Variants in EHD4 observed in about 807,000 individuals in gnomAD.
EHD4 encodes the protein EH domain-containing protein 4.
Under a neutral mutation model 51.0 loss-of-function variants are expected in EHD4, and 37 were observed. That is an observed-to-expected ratio of 0.73 (90% confidence interval 0.56 to 0.95). EHD4 has a LOEUF of 0.95. Among genes scored for constraint, EHD4 ranks in the 40% least tolerant of loss-of-function variants. EHD4 has a pLI of 0.00. For missense variants in EHD4, 632 were observed against 733.1 expected, an observed-to-expected ratio of 0.86 and a Z score of 1.59; for synonymous variants, 297 against 317.3, an observed-to-expected ratio of 0.94 and a Z score of 0.68.
intron 3 of EHD4, among the ~76,000 whole-genome samples, chr15:41,940,712 G>A (rs546748079): frequency 1.3e-5 from 2 of 152,202 alleles, no homozygotes; most frequent in Non-Finnish European, 2.9e-5. Flanking sequence ...ACCAGGATAT[G>A]AGTCAGATCA....
intron 3 of EHD4, among the ~76,000 whole-genome samples, chr15:41,924,386 C>T (rs1224781178): frequency 6.6e-6 from 1 of 152,206 alleles, no homozygotes; most frequent in African/African-American, 2.4e-5. Context: ...CTTCACCTCT[C>T]TGTGCCTCGT....
chr15:41,910,601 G>A (rs1437697899), intron 4 of EHD4, among the ~76,000 whole-genome samples: 1 of 152,106 alleles, frequency 6.6e-6, no homozygotes, highest in Non-Finnish European at 1.5e-5. Context: ...ATGGAATCTC[G>A]CTCTGTTGCC....
intron 1 of EHD4, among the ~76,000 whole-genome samples, chr15:41,960,170 T>C (rs777645592): frequency 6.6e-6 from 1 of 152,306 alleles, no homozygotes; most frequent in African/African-American, 2.4e-5. Flanking sequence ...GAAGCCGTAC[T>C]GTACAGTTTA....
At position 41,919,338 on chromosome 15, in the gene EHD4, G is replaced by T; in HGVS notation, c.796C>A (p.Gln266Lys). 1 of 1,614,230 alleles carries T rather than the reference G, an allele frequency of 6.2e-7. No homozygotes were observed. The highest frequency in any genetic ancestry group is 8.5e-7 in the Non-Finnish European group (1 of 1,180,036). The change falls in exon 4 of 6, where the codon CAG becomes AAG. Residue 266 changes from glutamine (Q) to lysine (K), a missense_variant. Physicochemically the swap from Gln to Lys is moderately conservative, Grantham distance 53. Coordinates refer to ENST00000220325, the MANE Select transcript of EHD4 (RefSeq NM_139265.4). The part of the protein sequence containing the change: ...YIGSFWAQPL[Q>K]NTDNRRLFEA... ...AAGAGCCGGCGGTTGTCCGTGTTCT[G>T]CAGGGGCTGCGCCCAGAAGGAGCCA...
At chr15:41,969,298 G>A (rs2067981302) in intron 1 of EHD4, among the ~76,000 whole-genome samples, 1 of 152,224 alleles carries the variant, frequency 6.6e-6, no homozygotes, top group Non-Finnish European at 1.5e-5. Flanking sequence ...TGTAATCCCA[G>A]CACTTTGGGA....
rs932157976 is a variant in EHD4 at position 41,954,038 on chromosome 15, A to G, written c.237-98T>C. ...TACCAATTTTTTTACATAATCATTT[A>G]AAAACGTAGAAACATAACCCCCAAG... On this transcript the variant is annotated intron_variant, in intron 1 of 5. Transcript: ENST00000220325. 2.3e-6 allele frequency: 3 copies of G among 1,311,850 alleles called. No homozygotes were observed. In the African/African-American group the frequency reaches 4.5e-5, roughly 20 times the overall value. 81.3% of individuals were successfully genotyped at this position (1,311,850 alleles called of 1,614,324 possible). A position where few individuals can be genotyped will look rare whatever the true frequency, so the allele number is the denominator to read the frequency against.
At chr15:41,969,794 AT>A (rs2067984716) in intron 1 of EHD4, among the ~76,000 whole-genome samples, 1 of 152,072 alleles carries the variant, frequency 6.6e-6, no homozygotes, top group Non-Finnish European at 1.5e-5. Context: ...CCAATTCTTT[AT>A]TGCCAGTCAA....
chr15:41,961,404 ATGT>A (rs1040514656), intron 1 of EHD4, among the ~76,000 whole-genome samples: 78 of 152,324 alleles, frequency 5.1e-4, no homozygotes, highest in African/African-American at 1.7e-3. Context: ...AGTGTTTTTG[ATGT>A]TGTAACTTGT....
intron 1 of EHD4, among the ~76,000 whole-genome samples, chr15:41,958,527 A>C (rs1050812560): frequency 2.0e-5 from 3 of 150,144 alleles, no homozygotes; most frequent in Non-Finnish European, 4.4e-5. Context: ...TTAGGCTAGA[A>C]TTTTTTTTTT....
Position 41,897,788 on chromosome 15 carries a change from A to G in EHD4, c.*2857T>C, listed in dbSNP as rs1175988540. On this transcript the variant is annotated 3_prime_UTR_variant, in exon 6 of 6. Coordinates refer to ENST00000220325, the MANE Select transcript of EHD4 (RefSeq NM_139265.4). ...TGTTATGCGATACCATATGCTGTGT[A>G]GAAAACAGGGCCTCAGCTTCTTAGA... 6.6e-6 allele frequency: 1 copy of G among 152,270 alleles called. No individual in the cohort carries two copies. 9.4% of individuals were successfully genotyped at this position (152,270 alleles called of 1,614,324 possible). A position where few individuals can be genotyped will look rare whatever the true frequency, so the allele number is the denominator to read the frequency against.
At chr15:41,907,187 T>C (rs574448612) in intron 5 of EHD4, among the ~76,000 whole-genome samples, 1 of 152,366 alleles carries the variant, frequency 6.6e-6, no homozygotes, top group East Asian at 1.9e-4. Flanking sequence ...GGCAAGGCAC[T>C]GTAGCAACTT....
chr15:41,937,146 G>A (rs901625294), intron 3 of EHD4, among the ~76,000 whole-genome samples: 2 of 152,176 alleles, frequency 1.3e-5, no homozygotes, highest in Non-Finnish European at 2.9e-5. Flanking sequence ...TCTCCACCAC[G>A]TCCTCCCATA....
chr15:41,901,589 G>C (rs935257311), intron 5 of EHD4, among the ~76,000 whole-genome samples: 5 of 152,248 alleles, frequency 3.3e-5, no homozygotes, highest in African/African-American at 9.6e-5. Flanking sequence ...ACAGAGAGCT[G>C]TGAGGGGCTG....
At chr15:41,937,673 G>C (rs902776119) in intron 3 of EHD4, among the ~76,000 whole-genome samples, 2 of 152,202 alleles carry the variant, frequency 1.3e-5, no homozygotes, top group Admixed American at 6.5e-5. Context: ...ACATCTCTAA[G>C]TGTTCTCTCT....
chr15:41,929,010 C>G (rs1003925239), intron 3 of EHD4: 7 of 152,232 alleles, frequency 4.6e-5, no homozygotes, highest in Admixed American at 4.6e-4. Flanking sequence ...GAGTTCACCT[C>G]GAACCTTTCA....
rs564868762 is a variant in EHD4 at position 41,911,962 on chromosome 15, T to C, written c.925-2099A>G. On this transcript the variant is annotated intron_variant, in intron 4 of 5. Coordinates refer to ENST00000220325, the MANE Select transcript of EHD4 (RefSeq NM_139265.4). The stretch of plus-strand genomic sequence containing the variant: ...GCCCACCCCCCGAGGTTGGGCACAC[T>C]GTTCCTGAACACTCCCTGGTGCCCA... Among the ~76,000 whole-genome samples, 3 of 152,270 alleles carry C rather than the reference T, an allele frequency of 2.0e-5. No homozygotes were observed. In the South Asian group the frequency reaches 6.2e-4, roughly 32 times the overall value.
At chr15:41,922,265 T>C (rs7173832) in intron 3 of EHD4, among the ~76,000 whole-genome samples, 3,391 of 152,186 alleles carry the variant, frequency 0.022, 142 homozygotes, top group African/African-American at 0.078. Flanking sequence ...GGCGTATGCA[T>C]GTGGGCTCAG....
At chr15:41,907,290 C>T (rs1405803970) in intron 5 of EHD4, among the ~76,000 whole-genome samples, 2 of 152,204 alleles carry the variant, frequency 1.3e-5, no homozygotes, top group Non-Finnish European at 2.9e-5. Context: ...AAACCAAGTT[C>T]CCTTCTGAAA....
At position 41,898,426 on chromosome 15, in the gene EHD4, G is replaced by T. The variant is rs530946348; in HGVS notation, c.*2219C>A. 1 of 152,348 alleles carries T rather than the reference G, an allele frequency of 6.6e-6. No individual in the cohort carries two copies. Among genetic ancestry groups the T allele is most frequent in the African/African-American group, 2.4e-5 (1 of 41,572 alleles). The allele number at this position is 152,348 out of a possible 1,614,324, so 9.4% of individuals were successfully genotyped here. ...TATATGACAATTGAGGAGAGTTAAAGAACAAGATAATTCTGGATGGAAAAA... is the reference window on the plus strand; with the variant it reads ...TATATGACAATTGAGGAGAGTTAAATAACAAGATAATTCTGGATGGAAAAA... On this transcript the variant is annotated 3_prime_UTR_variant, in exon 6 of 6. Transcript: ENST00000220325.
Sources: allele counts gnomAD v4.1 joint callset (sites outside exome capture counted in the v4.1 genomes callset), GRCh38; gene constraint gnomAD v4.1.1; transcripts MANE v1.5; gene names NCBI Gene and HGNC (gene_info 2026-07-23, HGNC 2026-07-21).